ASPH: variants seen among roughly 807,000 people sequenced by gnomAD.
The protein encoded by ASPH is aspartyl/asparaginyl beta-hydroxylase.
A neutral mutation model predicts 118.4 loss-of-function variants in ASPH; 100 were observed. The observed-to-expected ratio is 0.84, with a 90% CI of 0.72 to 1.00. The LOEUF is 1.00. Among genes scored for constraint, ASPH ranks in the 50% least tolerant of loss-of-function variants. The pLI, the probability that ASPH is intolerant of heterozygous loss-of-function variation, is 0.00. For synonymous variants in ASPH, 315 were observed against 325.6 expected (o/e 0.97, Z 0.35); for missense variants, 920 against 919.5 (o/e 1.00, Z -0.01).
At chr8:61,669,616 A>C (rs190673881) in intron 3 of ASPH, among the ~76,000 whole-genome samples, 1 of 152,206 alleles carries the variant, frequency 6.6e-6, no homozygotes, top group Non-Finnish European at 1.5e-5. Context: ...TATCAAAACT[A>C]TTCTCATAAT....
chr8:61,666,446 TGCAATGCCACATTTAAGCAGAA>T (rs1283072335), intron 3 of ASPH, among the ~76,000 whole-genome samples: 5 of 152,332 alleles, frequency 3.3e-5, no homozygotes, highest in South Asian at 2.1e-4. Flanking sequence ...GTAAGGTGTT[TGCAATGCCACATTTAAGCAGAA>T]GCAATGCCAC....
intron 14 of ASPH, among the ~76,000 whole-genome samples, chr8:61,601,384 T>C (rs1012693309): frequency 4.0e-5 from 6 of 150,782 alleles, no homozygotes; most frequent in Non-Finnish European, 5.9e-5. Context: ...CTACTAAAAA[T>C]ACAAAAATTA....
intron 2 of ASPH, among the ~76,000 whole-genome samples, chr8:61,681,781 G>T (rs1361918879): frequency 6.6e-6 from 1 of 151,764 alleles, no homozygotes; most frequent in Non-Finnish European, 1.5e-5. Context: ...CTGATGAACA[G>T]AAAACGTTTT....
chr8:61,621,600 A>G (rs758386927), intron 13 of ASPH, among the ~76,000 whole-genome samples: 2 of 152,244 alleles, frequency 1.3e-5, no homozygotes, highest in Non-Finnish European at 2.9e-5. Context: ...TAAGCACTTA[A>G]CACAGACTAT....
At chr8:61,689,219 T>G (rs1369390897) in intron 1 of ASPH, among the ~76,000 whole-genome samples, 1 of 152,194 alleles carries the variant, frequency 6.6e-6, no homozygotes, top group African/African-American at 2.4e-5. Context: ...ATTGTCTGCT[T>G]CACATAAAAG....
intron 1 of ASPH, among the ~76,000 whole-genome samples, chr8:61,688,204 A>C (rs1831311978): frequency 6.6e-6 from 1 of 152,206 alleles, no homozygotes; most frequent in South Asian, 2.1e-4. Context: ...TAAGATCAGA[A>C]TAAATCTAAG....
chr8:61,522,576 T>C (rs1039401163), intron 22 of ASPH, among the ~76,000 whole-genome samples: 1 of 152,186 alleles, frequency 6.6e-6, no homozygotes, highest in East Asian at 1.9e-4. Flanking sequence ...GGGGGTGGTT[T>C]TCCCCATCCT....
At chr8:61,520,430 T>C (rs562173630) in intron 22 of ASPH, among the ~76,000 whole-genome samples, 1 of 152,358 alleles carries the variant, frequency 6.6e-6, no homozygotes, top group South Asian at 2.1e-4. Context: ...AATCACATAC[T>C]GAGAATAAAA....
At chr8:61,564,024 C>T (rs1490979739) in intron 17 of ASPH, among the ~76,000 whole-genome samples, 1 of 152,150 alleles carries the variant, frequency 6.6e-6, no homozygotes, top group Non-Finnish European at 1.5e-5. Flanking sequence ...CATTCAAATG[C>T]TGATGGATTG....
chr8:61,672,011 G>A (rs1822800503), intron 3 of ASPH, among the ~76,000 whole-genome samples: 1 of 152,220 alleles, frequency 6.6e-6, no homozygotes, highest in South Asian at 2.1e-4. Flanking sequence ...AGTGAGACCT[G>A]TGAGTCACTG....
chr8:61,673,576 A>G (rs1235300444), intron 3 of ASPH, among the ~76,000 whole-genome samples: 2 of 152,204 alleles, frequency 1.3e-5, no homozygotes, highest in African/African-American at 4.8e-5. Context: ...TTCCATAACT[A>G]TATAAACATT....
chr8:61,630,492 C>T (rs959650359), intron 13 of ASPH, among the ~76,000 whole-genome samples: 1 of 151,956 alleles, frequency 6.6e-6, no homozygotes, highest in South Asian at 2.1e-4. Context: ...AATAAGAAAA[C>T]CAAGTGCAAT....
chr8:61,529,387 A>C (rs1488999956), intron 21 of ASPH, among the ~76,000 whole-genome samples: 5 of 152,172 alleles, frequency 3.3e-5, no homozygotes, highest in Admixed American at 6.5e-5. Flanking sequence ...CGCCCTGCAG[A>C]GGGCATGCCA....
chr8:61,563,969 C>T (rs940584069), intron 17 of ASPH, among the ~76,000 whole-genome samples: 1 of 152,158 alleles, frequency 6.6e-6, no homozygotes, highest in Non-Finnish European at 1.5e-5. Context: ...TCAGAGCCTC[C>T]TCGAGTGAAC....
chr8:61,700,675 A>C (rs939563384), intron 1 of ASPH, among the ~76,000 whole-genome samples: 9 of 152,236 alleles, frequency 5.9e-5, no homozygotes, highest in African/African-American at 2.2e-4. Context: ...ACAACGTAAG[A>C]ATTTCCCCAA....
chr8:61,570,909 T>C (rs1833295295), intron 16 of ASPH, among the ~76,000 whole-genome samples: 1 of 152,218 alleles, frequency 6.6e-6, no homozygotes, highest in Non-Finnish European at 1.5e-5. Flanking sequence ...GTGTCCAATG[T>C]TCAGGGAACT....
intron 21 of ASPH, among the ~76,000 whole-genome samples, chr8:61,547,675 T>A (rs1422398069): frequency 1.3e-5 from 2 of 152,082 alleles, no homozygotes; most frequent in African/African-American, 4.8e-5. Flanking sequence ...GAAAATATAA[T>A]TTTTTTAAAA....
At chr8:61,646,480 A>G (rs1015128253) in intron 6 of ASPH, among the ~76,000 whole-genome samples, 1 of 152,200 alleles carries the variant, frequency 6.6e-6, no homozygotes, top group East Asian at 1.9e-4. Flanking sequence ...CACCCTAAGC[A>G]GAAGAATATA....
intron 1 of ASPH, among the ~76,000 whole-genome samples, chr8:61,694,710 T>C (rs1370558382): frequency 6.6e-6 from 1 of 152,182 alleles, no homozygotes; most frequent in Non-Finnish European, 1.5e-5. Context: ...GTAATACTTG[T>C]TCCTATGCCA....
Sources: gnomAD v4.1 joint callset for allele counts (sites outside exome capture counted in the v4.1 genomes callset) on GRCh38, gnomAD v4.1.1 for gene constraint, MANE v1.5 for transcripts, NCBI Gene and HGNC (gene_info 2026-07-23, HGNC 2026-07-21) for gene names.